The following TLL1 variants were observed in gnomAD, a reference collection of about 807,000 sequenced individuals.
The protein encoded by TLL1 is tolloid-like protein 1.
In TLL1, 49 loss-of-function variants were observed where a neutral mutation model predicts 128.2. That is an observed-to-expected ratio of 0.38 (90% CI 0.30 to 0.48). TLL1 has a LOEUF of 0.48. Ranked by LOEUF, TLL1 falls within the 20% of genes least tolerant of loss-of-function variation. The pLI is 0.96. For missense variants in TLL1, 1,123 were observed against 1,242.0 expected (o/e 0.90, Z 1.44); for synonymous variants, 454 against 418.8 (o/e 1.08, Z -1.03).
intron 1 of TLL1, among the ~76,000 whole-genome samples, chr4:165,898,617 A>G (rs1731802245): frequency 6.6e-6 from 1 of 152,190 alleles, no homozygotes; most frequent in South Asian, 2.1e-4. Flanking sequence ...TGATGTGCTG[A>G]TGAATTTGGT....
rs1742270445 is a variant in TLL1 at position 166,101,194 on chromosome 4, A to G, written c.*318A>G. On this transcript the variant is annotated 3_prime_UTR_variant, in exon 21 of 21. Coordinates refer to ENST00000061240, the MANE Select transcript of TLL1 (RefSeq NM_012464.5). ...CACAATTCAGACAGTTTAATTCAGG[A>G]ACTGTGACCCTGCAGTGTTCTTTTT... is the stretch of plus-strand genomic sequence containing the variant. The G allele has an allele frequency of 2.9e-6, 1 of 342,174 alleles. No homozygotes were observed. Among genetic ancestry groups the G allele is most frequent in the Admixed American group, 4.6e-5 (1 of 21,912 alleles). The allele number at this position is 342,174 out of a possible 1,614,324, so 21.2% of individuals were successfully genotyped here.
At chr4:166,092,437 T>G (rs954110540) in intron 19 of TLL1, among the ~76,000 whole-genome samples, 13 of 152,044 alleles carry the variant, frequency 8.6e-5, no homozygotes, top group Non-Finnish European at 1.5e-4. Flanking sequence ...ATGATTAATA[T>G]AAATATAAAT....
chr4:166,085,865 T>C (rs1741487025), intron 18 of TLL1, among the ~76,000 whole-genome samples: 1 of 152,110 alleles, frequency 6.6e-6, no homozygotes, highest in Non-Finnish European at 1.5e-5. Context: ...ATGAGACAAT[T>C]TTTTAAATCG....
At chr4:166,002,231 T>A (rs1281008791) in intron 5 of TLL1, among the ~76,000 whole-genome samples, 1 of 152,078 alleles carries the variant, frequency 6.6e-6, no homozygotes, top group Non-Finnish European at 1.5e-5. Flanking sequence ...CTGGGGCCTT[T>A]TTATAAAGGC....
At chr4:166,098,562 A>AT (rs1379743524) in intron 19 of TLL1, among the ~76,000 whole-genome samples, 1 of 151,976 alleles carries the variant, frequency 6.6e-6, no homozygotes. Context: ...AACATTTACT[A>AT]TTTTTTCATG....
At chr4:165,916,439 T>G (rs115414578) in intron 1 of TLL1, among the ~76,000 whole-genome samples, 3,243 of 152,338 alleles carry the variant, frequency 0.021, 122 homozygotes, top group African/African-American at 0.073. Flanking sequence ...AATTATGGCA[T>G]GCTGAAATAT....
At chr4:165,959,662 T>C (rs532528110) in intron 1 of TLL1, among the ~76,000 whole-genome samples, 4 of 152,098 alleles carry the variant, frequency 2.6e-5, no homozygotes, top group African/African-American at 9.6e-5. Context: ...CACAGTGCAA[T>C]AAAAATAGAA....
At chr4:165,940,876 A>AT in intron 1 of TLL1, among the ~76,000 whole-genome samples, 1 of 151,916 alleles carries the variant, frequency 6.6e-6, no homozygotes, top group Non-Finnish European at 1.5e-5. Context: ...AGCCTTCACC[A>AT]TTTTGGGGGC....
At chr4:166,100,096 C>A (rs2111168967) in intron 20 of TLL1, among the ~76,000 whole-genome samples, 1 of 152,116 alleles carries the variant, frequency 6.6e-6, no homozygotes, top group South Asian at 2.1e-4. Flanking sequence ...AAAAGAAAAA[C>A]ATAAGGTTTT....
intron 9 of TLL1, 91 bp downstream of exon 9, chr4:166,025,522 C>A: frequency 1.9e-6 from 2 of 1,058,456 alleles, no homozygotes; most frequent in Non-Finnish European, 1.4e-6. Context: ...ATCCTTTATT[C>A]TTGTTTGAGT....
At chr4:166,049,019 G>T (rs1015016357) in intron 12 of TLL1, among the ~76,000 whole-genome samples, 6 of 152,158 alleles carry the variant, frequency 3.9e-5, no homozygotes, top group African/African-American at 1.2e-4. Context: ...ACTAGTCTTT[G>T]TGAGTGAACT....
In TLL1 at chr4:166,091,120, T is replaced by A; in HGVS notation, c.2443-8T>A. On this transcript the variant is annotated splice_polypyrimidine_tract_variant and splice_region_variant and intron_variant, in intron 18 of 20. Coordinates refer to ENST00000061240, the MANE Select transcript of TLL1 (RefSeq NM_012464.5). Reference sequence around the variant, plus strand: ...TTTTAAAAAAATTATTTCTTCTTTTTAAAAAAGGCCTTTAGTGAATTTGAG... The same window carrying A: ...TTTTAAAAAAATTATTTCTTCTTTTAAAAAAAGGCCTTTAGTGAATTTGAG... 2 of 1,607,746 alleles carry A rather than the reference T, an allele frequency of 1.2e-6. No homozygotes were observed. Among genetic ancestry groups the A allele is most frequent in the Non-Finnish European group, 1.7e-6 (2 of 1,177,014 alleles).
chr4:165,955,926 T>C (rs1734765447), intron 1 of TLL1, among the ~76,000 whole-genome samples: 1 of 152,102 alleles, frequency 6.6e-6, no homozygotes, highest in Admixed American at 6.6e-5. Flanking sequence ...GAGAGGAATT[T>C]TACAGCTGGG....
chr4:166,074,852 G>T, intron 16 of TLL1, 26 bp from the exon 17 acceptor site: 2 of 1,611,966 alleles, frequency 1.2e-6, no homozygotes, highest in South Asian at 1.1e-5. Context: ...TTACTTACTA[G>T]ACTATGGGAT....
At chr4:166,042,356 T>A (rs1486334702) in intron 11 of TLL1, among the ~76,000 whole-genome samples, 2 of 152,230 alleles carry the variant, frequency 1.3e-5, no homozygotes, top group Non-Finnish European at 2.9e-5. Flanking sequence ...AATATCTAAA[T>A]GTGTTCAGGA....
In TLL1 at chr4:166,001,029, A is replaced by T. The variant is rs115898756; in HGVS notation, c.633-2362A>T. Among the ~76,000 whole-genome samples, 699 of 152,280 alleles carry T rather than the reference A, an allele frequency of 4.6e-3. 4 individuals are homozygous for T. The highest frequency in any genetic ancestry group is 0.016 in the African/African-American group (648 of 41,552). On this transcript the variant is annotated intron_variant, in intron 5 of 20. Transcript: ENST00000061240. ...TACAGAAACAATTTGAAAATGAAAA[A>T]AAAGGGTAGGGGGAGAGGGAGATAA...
intron 1 of TLL1, among the ~76,000 whole-genome samples, chr4:165,900,180 CTT>C (rs1343175010): frequency 1.3e-5 from 2 of 151,588 alleles, no homozygotes; most frequent in Non-Finnish European, 2.9e-5. Flanking sequence ...GGTCTTGACT[CTT>C]TATCCGATTT....
chr4:166,063,541 C>T (rs574938278), intron 15 of TLL1, among the ~76,000 whole-genome samples: 71 of 152,214 alleles, frequency 4.7e-4, no homozygotes, highest in Admixed American at 1.2e-3. Context: ...CACATGCACA[C>T]GTATGTTTAT....
chr4:166,037,296 T>C (rs1035510106), intron 9 of TLL1, among the ~76,000 whole-genome samples: 2 of 152,120 alleles, frequency 1.3e-5, no homozygotes, highest in Non-Finnish European at 2.9e-5. Context: ...GGAGAAAATA[T>C]TGTGGGAAAT....
Sources: allele counts gnomAD v4.1 joint callset (sites outside exome capture counted in the v4.1 genomes callset), GRCh38; gene constraint gnomAD v4.1.1; transcripts MANE v1.5; gene names NCBI Gene and HGNC (gene_info 2026-07-23, HGNC 2026-07-21).